Variants in FTO observed in about 807,000 individuals in gnomAD.
The protein encoded by FTO is FTO alpha-ketoglutarate dependent dioxygenase.
In FTO, 47 loss-of-function variants were observed where a neutral mutation model predicts 63.9. The observed-to-expected ratio is 0.74, with a 90% CI of 0.58 to 0.94. FTO has a LOEUF of 0.94. Among genes scored for constraint, FTO ranks in the 40% least tolerant of loss-of-function variants. FTO has a pLI of 0.00. For synonymous variants in FTO, 207 were observed against 224.4 expected, an observed-to-expected ratio of 0.92 and a Z score of 0.69; for missense variants, 562 against 618.1, an observed-to-expected ratio of 0.91 and a Z score of 0.96.
At chr16:53,992,639 C>T (rs1220567954) in intron 8 of FTO, 1 of 152,016 alleles carries the variant, frequency 6.6e-6, no homozygotes, top group African/African-American at 2.4e-5. Flanking sequence ...CAATTCCTAC[C>T]CTCCTCTTTG....
intron 1 of FTO, among the ~76,000 whole-genome samples, chr16:53,710,412 C>G (rs1045935595): frequency 6.6e-6 from 1 of 151,834 alleles, no homozygotes; most frequent in Non-Finnish European, 1.5e-5. Context: ...ACTACAGACA[C>G]GTGCCACCAC....
chr16:53,941,430 T>TA (rs1169832387), intron 8 of FTO, among the ~76,000 whole-genome samples: 13 of 152,212 alleles, frequency 8.5e-5, no homozygotes, highest in African/African-American at 2.9e-4. Flanking sequence ...GATAGAAGCT[T>TA]AAAAAATGAA....
At chr16:53,864,449 A>G (rs1306509603) in intron 4 of FTO, among the ~76,000 whole-genome samples, 1 of 152,212 alleles carries the variant, frequency 6.6e-6, no homozygotes, top group Non-Finnish European at 1.5e-5. Context: ...AAAGTCGTGA[A>G]CATGAATTGG....
chr16:53,885,720 A>G (rs2080979161), intron 6 of FTO, among the ~76,000 whole-genome samples: 1 of 152,118 alleles, frequency 6.6e-6, no homozygotes, highest in African/African-American at 2.4e-5. Context: ...CTGTAGTGGT[A>G]CCCACTTTTG....
chr16:53,853,117 A>T (rs1204040440), intron 4 of FTO, among the ~76,000 whole-genome samples: 1 of 151,882 alleles, frequency 6.6e-6, no homozygotes, highest in African/African-American at 2.4e-5. Context: ...ACATGGCGAA[A>T]CCCCATCTCT....
chr16:53,713,414 C>A (rs116701950), intron 1 of FTO, among the ~76,000 whole-genome samples: 2 of 152,110 alleles, frequency 1.3e-5, no homozygotes, highest in East Asian at 1.9e-4. Flanking sequence ...ACTTTTGGAA[C>A]CTTAATGAAA....
intron 1 of FTO, among the ~76,000 whole-genome samples, chr16:53,764,741 A>T (rs2077157415): frequency 1.3e-5 from 2 of 151,904 alleles, no homozygotes. Context: ...TTTTTTTTTG[A>T]GACACAGTTT....
chr16:54,078,216 T>C lies in FTO; in HGVS notation c.1365-33546T>C, dbSNP rs113185297. On this transcript the variant is annotated intron_variant, in intron 8 of 8. Coordinates refer to ENST00000471389, the MANE Select transcript of FTO (RefSeq NM_001080432.3). Reference sequence around the variant, plus strand: ...ATATACAAATACACATATATGTATATGTAAACTTATATACAAATACACATA... The same window carrying C: ...ATATACAAATACACATATATGTATACGTAAACTTATATACAAATACACATA... Among the ~76,000 whole-genome samples, 1,116 of 151,368 alleles carry C rather than the reference T, an allele frequency of 7.4e-3. 6 individuals carry two copies. The highest frequency in any genetic ancestry group is 0.025 in the African/African-American group (1,029 of 40,936).
chr16:54,040,772 T>C (rs1303223425), intron 8 of FTO: 2 of 152,160 alleles, frequency 1.3e-5, no homozygotes, highest in African/African-American at 4.8e-5. Flanking sequence ...GAGATGAGAA[T>C]AGTCAGAGAG....
chr16:54,104,672 C>G (rs1237433551), intron 8 of FTO, among the ~76,000 whole-genome samples: 1 of 152,148 alleles, frequency 6.6e-6, no homozygotes, highest in Non-Finnish European at 1.5e-5. Flanking sequence ...AATGCATTAT[C>G]ATGTAGCTGA....
intron 6 of FTO, among the ~76,000 whole-genome samples, chr16:53,888,323 C>T (rs137925391): frequency 9.7e-6 from 1 of 103,510 alleles, no homozygotes; most frequent in African/African-American, 2.9e-5. Flanking sequence ...CTTGCCTCAG[C>T]CTCCCAAGCA....
chr16:53,954,856 G>A (rs754841870), intron 8 of FTO, among the ~76,000 whole-genome samples: 13 of 151,936 alleles, frequency 8.6e-5, no homozygotes, highest in Admixed American at 1.3e-4. Context: ...CTGAGAAAAC[G>A]TGGCCAAGCA....
chr16:54,010,651 T>A (rs1457126193), intron 8 of FTO, among the ~76,000 whole-genome samples: 3 of 152,168 alleles, frequency 2.0e-5, no homozygotes, highest in Admixed American at 6.5e-5. Context: ...CCTGATTTCA[T>A]GTAGGCGAGC....
intron 8 of FTO, among the ~76,000 whole-genome samples, chr16:53,943,428 G>C (rs1359986298): frequency 6.6e-6 from 1 of 152,192 alleles, no homozygotes; most frequent in Non-Finnish European, 1.5e-5. Flanking sequence ...TCAGTTGCTG[G>C]CTGGCTGTTT....
intron 1 of FTO, among the ~76,000 whole-genome samples, chr16:53,740,225 A>G (rs964893871): frequency 1.4e-4 from 21 of 152,170 alleles, no homozygotes; most frequent in Non-Finnish European, 2.5e-4. Flanking sequence ...GCTTTGTGAC[A>G]TTGTGCCCAC....
intron 8 of FTO, among the ~76,000 whole-genome samples, chr16:54,098,199 T>A (rs2086557385): frequency 6.6e-6 from 1 of 152,160 alleles, no homozygotes. Context: ...CTTTATAAAT[T>A]AGCATTTTTC....
Position 54,030,204 on chromosome 16 carries a change from A to G in FTO, c.1365-81558A>G, listed in dbSNP as rs2084797192. On this transcript the variant is annotated intron_variant, in intron 8 of 8. Transcript: ENST00000471389. The stretch of plus-strand genomic sequence containing the variant: ...CACAGGACCACCTTGTTCATATGGA[A>G]GATAAATAATAGTTCTAGAATTCTG... Among the ~76,000 whole-genome samples the G allele has an allele frequency of 2.0e-5, 3 of 152,218 alleles. No individual in the cohort carries two copies. The South Asian group carries it at 6.2e-4, about 31-fold the overall frequency.
intron 2 of FTO, among the ~76,000 whole-genome samples, chr16:53,824,979 G>A (rs775304524): frequency 3.9e-5 from 6 of 152,142 alleles, no homozygotes; most frequent in Non-Finnish European, 8.8e-5. Flanking sequence ...ATGTATTTCT[G>A]TATTAGGGAA....
At chr16:53,845,968 C>A (rs1207606509) in intron 4 of FTO, among the ~76,000 whole-genome samples, 2 of 152,184 alleles carry the variant, frequency 1.3e-5, no homozygotes, top group Non-Finnish European at 2.9e-5. Flanking sequence ...CTCTTGCCTT[C>A]CATGTGAACA....
Sources: allele counts gnomAD v4.1 joint callset (sites outside exome capture counted in the v4.1 genomes callset), GRCh38; gene constraint gnomAD v4.1.1; transcripts MANE v1.5; gene names NCBI Gene and HGNC (gene_info 2026-07-23, HGNC 2026-07-21).